FBXL7: variants seen among roughly 807,000 people sequenced by gnomAD.
The protein encoded by FBXL7 is F-box and leucine rich repeat protein 7.
Under a neutral mutation model 38.3 loss-of-function variants are expected in FBXL7, and 12 were observed. The observed-to-expected ratio is 0.31, with a 90% CI of 0.20 to 0.51. FBXL7 has a LOEUF of 0.51. FBXL7 is among the 20% of genes least tolerant of loss of function. FBXL7 has a pLI of 0.98. For missense variants in FBXL7, 567 were observed against 676.4 expected, an observed-to-expected ratio of 0.84 and a Z score of 1.79; for synonymous variants, 297 against 300.9, an observed-to-expected ratio of 0.99 and a Z score of 0.13.
intron 2 of FBXL7, among the ~76,000 whole-genome samples, chr5:15,707,643 C>T (rs533608701): frequency 2.6e-5 from 4 of 152,298 alleles, no homozygotes; most frequent in African/African-American, 9.6e-5. Context: ...AGGCAGTGTA[C>T]ATACAAAACG....
chr5:15,748,688 C>A (rs1736077691), intron 2 of FBXL7, among the ~76,000 whole-genome samples: 4 of 152,098 alleles, frequency 2.6e-5, no homozygotes, highest in Admixed American at 2.6e-4. Flanking sequence ...CAGACTAATA[C>A]AAGGGCTAAT....
At chr5:15,525,869 C>T (rs925580023) in intron 1 of FBXL7, among the ~76,000 whole-genome samples, 1 of 152,162 alleles carries the variant, frequency 6.6e-6, no homozygotes, top group African/African-American at 2.4e-5. Context: ...CAAAGTATTG[C>T]ACAAGATTAT....
intron 2 of FBXL7, among the ~76,000 whole-genome samples, chr5:15,734,618 TTC>T (rs1314639585): frequency 2.0e-5 from 3 of 152,238 alleles, no homozygotes; most frequent in African/African-American, 7.2e-5. Flanking sequence ...CTTCCTTCCT[TTC>T]TCTGTTTCTT....
At chr5:15,531,422 G>C (rs984742586) in intron 1 of FBXL7, among the ~76,000 whole-genome samples, 1 of 152,156 alleles carries the variant, frequency 6.6e-6, no homozygotes, top group African/African-American at 2.4e-5. Context: ...GGATGATATA[G>C]AGACTTTATA....
intron 2 of FBXL7, among the ~76,000 whole-genome samples, chr5:15,820,815 A>G (rs958176607): frequency 3.3e-5 from 5 of 151,998 alleles, no homozygotes; most frequent in Non-Finnish European, 7.4e-5. Context: ...TCCCTGTGCA[A>G]TGTGTTCTTG....
At chr5:15,774,018 A>G (rs1736796532) in intron 2 of FBXL7, among the ~76,000 whole-genome samples, 1 of 151,992 alleles carries the variant, frequency 6.6e-6, no homozygotes, top group South Asian at 2.1e-4. Flanking sequence ...GTAGCAAATT[A>G]CCACAAATTT....
chr5:15,741,834 C>T (rs1049491919), intron 2 of FBXL7, among the ~76,000 whole-genome samples: 1 of 151,984 alleles, frequency 6.6e-6, no homozygotes, highest in Admixed American at 6.6e-5. Context: ...AACCAGCAGC[C>T]CATAGAATTA....
chr5:15,750,862 T>A (rs190774340), intron 2 of FBXL7, among the ~76,000 whole-genome samples: 1 of 152,288 alleles, frequency 6.6e-6, no homozygotes, highest in East Asian at 1.9e-4. Flanking sequence ...GAGAAGCTCA[T>A]GTAGGTGGAC....
intron 2 of FBXL7, among the ~76,000 whole-genome samples, chr5:15,814,677 A>T (rs1737964073): frequency 6.6e-6 from 1 of 152,174 alleles, no homozygotes; most frequent in Non-Finnish European, 1.5e-5. Context: ...ATGTTCCATG[A>T]TCAGATTGGT....
intron 2 of FBXL7, among the ~76,000 whole-genome samples, chr5:15,654,418 GA>G (rs200453697): frequency 0.015 from 1,861 of 126,294 alleles, 12 homozygotes; most frequent in Middle Eastern, 0.038. Context: ...ATAAAAAACT[GA>G]AAAAAAAAAA....
intron 2 of FBXL7, among the ~76,000 whole-genome samples, chr5:15,639,461 G>GCT (rs933520304): frequency 2.6e-5 from 4 of 151,918 alleles, no homozygotes; most frequent in African/African-American, 7.3e-5. Flanking sequence ...CCCTGCACAG[G>GCT]CTCTCTCTCT....
At chr5:15,616,809 T>C (rs567277476) in intron 2 of FBXL7, among the ~76,000 whole-genome samples, 16 of 152,234 alleles carry the variant, frequency 1.1e-4, no homozygotes, top group Non-Finnish European at 2.4e-4. Flanking sequence ...AATGACTTTC[T>C]GTCTGAAAAT....
At chr5:15,852,598 T>C (rs1038376189) in intron 2 of FBXL7, among the ~76,000 whole-genome samples, 1 of 152,126 alleles carries the variant, frequency 6.6e-6, no homozygotes, top group Non-Finnish European at 1.5e-5. Context: ...AACCTTTTGG[T>C]ATTAGTCAGA....
intron 2 of FBXL7, among the ~76,000 whole-genome samples, chr5:15,767,991 A>G (rs1366357470): frequency 6.6e-6 from 1 of 152,212 alleles, no homozygotes; most frequent in Admixed American, 6.5e-5. Context: ...TAAATTTGTC[A>G]TGATTTTATC....
chr5:15,817,725 C>T (rs1738056033), intron 2 of FBXL7, among the ~76,000 whole-genome samples: 1 of 152,194 alleles, frequency 6.6e-6, no homozygotes, highest in Admixed American at 6.6e-5. Flanking sequence ...GTAAAACATG[C>T]CTTTGCACCT....
chr5:15,912,173 C>T lies in FBXL7; in HGVS notation c.128-15717C>T, dbSNP rs567282014. ...CTCAGACTGCCGTGCTAGCAATCAG[C>T]GAGATTCCGTGGGCGTAGGACCCTC... On this transcript the variant is annotated intron_variant, in intron 2 of 3. Transcript: ENST00000504595. Among the ~76,000 whole-genome samples the T allele has an allele frequency of 1.4e-4, 9 of 62,416 alleles. No homozygotes were observed. In the South Asian group the frequency reaches 2.5e-3, roughly 17 times the overall value. The allele number at this position is 62,416 out of a possible 152,430, so 40.9% of individuals were successfully genotyped here. A position where few individuals can be genotyped will look rare whatever the true frequency, so the allele number is the denominator to read the frequency against.
intron 2 of FBXL7, among the ~76,000 whole-genome samples, chr5:15,682,212 T>C (rs774168474): frequency 3.2e-4 from 48 of 152,170 alleles, no homozygotes; most frequent in Non-Finnish European, 5.7e-4. Flanking sequence ...GCCTGCAAAA[T>C]TGCCACAGAA....
intron 2 of FBXL7, among the ~76,000 whole-genome samples, chr5:15,624,303 T>G (rs1225499855): frequency 6.6e-6 from 1 of 152,200 alleles, no homozygotes; most frequent in African/African-American, 2.4e-5. Flanking sequence ...AGATCCCTCA[T>G]GATTACCTTT....
chr5:15,724,388 A>T (rs1744284208), intron 2 of FBXL7, among the ~76,000 whole-genome samples: 1 of 152,218 alleles, frequency 6.6e-6, no homozygotes, highest in African/African-American at 2.4e-5. Context: ...TTTTGTATGT[A>T]TAGCATGATA....
Sources: gnomAD v4.1 joint callset for allele counts (sites outside exome capture counted in the v4.1 genomes callset) on GRCh38, gnomAD v4.1.1 for gene constraint, MANE v1.5 for transcripts, NCBI Gene and HGNC (gene_info 2026-07-23, HGNC 2026-07-21) for gene names.